The following NBAS variants were observed in gnomAD, a reference collection of about 807,000 sequenced individuals.
NBAS encodes NAG/BC035112 fusion.
NBAS carries 219 observed loss-of-function variants against 302.5 expected under a neutral mutation model. The observed-to-expected ratio is 0.72, with a 90% CI of 0.65 to 0.81. The LOEUF (loss-of-function observed/expected upper bound fraction) is 0.81, where lower values mean the gene tolerates loss of function less well. Among genes scored for constraint, NBAS ranks in the 30% least tolerant of loss-of-function variants. The probability of loss-of-function intolerance (pLI) is 0.00; values close to 1 mark genes in which losing one functional copy is unlikely to be tolerated. For missense variants in NBAS, 2,932 were observed against 2,841.6 expected (o/e 1.03, Z -0.72); for synonymous variants, 1,118 against 1,021.6 (o/e 1.09, Z -1.80).
At chr2:14,989,498 C>T in the NBAS span, among the ~76,000 whole-genome samples, 11 of 151,978 alleles carry the variant, frequency 7.2e-5, no homozygotes, top group Admixed American at 6.6e-4. Context: ...GTGGAGGTTG[C>T]AGTGAGCTGA....
chr2:15,462,548 T>C (rs572189425), intron 19 of NBAS, among the ~76,000 whole-genome samples: 22 of 150,588 alleles, frequency 1.5e-4, no homozygotes, highest in Non-Finnish European at 2.9e-4. Context: ...TATTTATAAA[T>C]AGCCAATAAA....
the NBAS span, among the ~76,000 whole-genome samples, chr2:14,828,309 G>A: frequency 1.3e-5 from 2 of 152,188 alleles, no homozygotes; most frequent in Admixed American, 6.5e-5. Flanking sequence ...TGGTGAGCAG[G>A]AAAGGTCTTT....
At chr2:14,961,304 A>G in the NBAS span, among the ~76,000 whole-genome samples, 3 of 152,218 alleles carry the variant, frequency 2.0e-5, no homozygotes, top group African/African-American at 4.8e-5. Flanking sequence ...TTAACCTGCA[A>G]TATTGGAGGT....
At chr2:15,445,120 A>G (rs994118892) in intron 21 of NBAS, among the ~76,000 whole-genome samples, 2 of 151,750 alleles carry the variant, frequency 1.3e-5, no homozygotes, top group African/African-American at 4.9e-5. Context: ...ATCTAGAACT[A>G]GAAATACCAT....
intron 32 of NBAS, among the ~76,000 whole-genome samples, chr2:15,360,479 A>G (rs934184724): frequency 1.3e-5 from 2 of 151,850 alleles, no homozygotes; most frequent in African/African-American, 4.8e-5. Flanking sequence ...CTAAGTAGTT[A>G]GGCCTACAAG....
chr2:15,500,785 G>A (rs1401741489), intron 11 of NBAS, among the ~76,000 whole-genome samples: 5 of 151,732 alleles, frequency 3.3e-5, no homozygotes, highest in East Asian at 1.9e-4. Context: ...TCAGCCGGGC[G>A]TGGGGGCGGG....
At chr2:15,305,265 T>A (rs1670977291) in intron 40 of NBAS, among the ~76,000 whole-genome samples, 1 of 152,006 alleles carries the variant, frequency 6.6e-6, no homozygotes, top group Non-Finnish European at 1.5e-5. Flanking sequence ...TCTGATGGTT[T>A]TATAAGGGGC....
chr2:15,205,788 T>C (rs1666112642), intron 48 of NBAS, among the ~76,000 whole-genome samples: 1 of 152,182 alleles, frequency 6.6e-6, no homozygotes, highest in African/African-American at 2.4e-5. Context: ...CCACCCCCTC[T>C]CTCTCCTGCT....
the NBAS span, among the ~76,000 whole-genome samples, chr2:15,039,004 T>C: frequency 6.6e-6 from 1 of 152,220 alleles, no homozygotes; most frequent in Non-Finnish European, 1.5e-5. Flanking sequence ...ATGGTCCTAG[T>C]TCCACCAAAA....
the NBAS span, among the ~76,000 whole-genome samples, chr2:14,963,948 C>G: frequency 0.16 from 24,107 of 152,112 alleles, 2,567 homozygotes; most frequent in African/African-American, 0.31. Flanking sequence ...TCTTCCTCAG[C>G]AAAGCGGAAT....
chr2:15,057,239 G>A, the NBAS span, among the ~76,000 whole-genome samples: 2 of 149,896 alleles, frequency 1.3e-5, no homozygotes, highest in Non-Finnish European at 2.9e-5. Context: ...CTTTCCAGAT[G>A]CAAGCACTCC....
chr2:14,858,479 C>T, the NBAS span, among the ~76,000 whole-genome samples: 4 of 152,126 alleles, frequency 2.6e-5, no homozygotes, highest in East Asian at 3.9e-4. Flanking sequence ...TATTCAGCCA[C>T]AAAACAGAAT....
intron 38 of NBAS, among the ~76,000 whole-genome samples, chr2:15,318,758 T>A (rs557443050): frequency 6.6e-6 from 1 of 152,122 alleles, no homozygotes; most frequent in Non-Finnish European, 1.5e-5. Context: ...AGCAAGTCCT[T>A]AGAGACCTAA....
intron 21 of NBAS, among the ~76,000 whole-genome samples, chr2:15,445,509 G>T (rs1257885049): frequency 7.2e-5 from 8 of 111,570 alleles, no homozygotes; most frequent in African/African-American, 2.0e-4. Flanking sequence ...CTGTTGTGGG[G>T]TGGGGGGAGG....
At chr2:15,367,309 C>A (rs140161636) in intron 31 of NBAS, among the ~76,000 whole-genome samples, 4 of 152,014 alleles carry the variant, frequency 2.6e-5, no homozygotes, top group Non-Finnish European at 5.9e-5. Flanking sequence ...AAGGGTACTA[C>A]GTATATTCTA....
At chr2:14,881,769 C>G in the NBAS span, among the ~76,000 whole-genome samples, 1 of 152,166 alleles carries the variant, frequency 6.6e-6, no homozygotes, top group South Asian at 2.1e-4. Flanking sequence ...ACTGCAATGG[C>G]AGAGCTGCGT....
intron 41 of NBAS, among the ~76,000 whole-genome samples, chr2:15,289,439 C>T (rs992011419): frequency 3.3e-5 from 5 of 152,124 alleles, no homozygotes; most frequent in Admixed American, 6.5e-5. Flanking sequence ...TGAGTACCTA[C>T]CTCCACATCA....
intron 48 of NBAS, among the ~76,000 whole-genome samples, chr2:15,210,257 G>A (rs1000276295): frequency 1.3e-5 from 2 of 151,842 alleles, no homozygotes; most frequent in African/African-American, 4.8e-5. Context: ...GAATATATAA[G>A]GAGTTCAAAC....
the NBAS span, among the ~76,000 whole-genome samples, chr2:15,111,192 A>G: frequency 6.6e-6 from 1 of 152,156 alleles, no homozygotes; most frequent in South Asian, 2.1e-4. Flanking sequence ...ATGACAAACC[A>G]TGGAATGTAG....
Sources: allele counts gnomAD v4.1 joint callset (sites outside exome capture counted in the v4.1 genomes callset), GRCh38; gene constraint gnomAD v4.1.1; transcripts MANE v1.5; gene names NCBI Gene and HGNC (gene_info 2026-07-23, HGNC 2026-07-21).